Variants in DNA2 observed in about 807,000 individuals in gnomAD.
DNA2 encodes DNA replication helicase/nuclease 2.
Under a neutral mutation model 119.1 loss-of-function variants are expected in DNA2, and 101 were observed. That is an observed-to-expected ratio of 0.85 (90% CI 0.72 to 1.00). DNA2 has a LOEUF of 1.00. DNA2 is among the 50% of genes least tolerant of loss of function. The probability of loss-of-function intolerance (pLI) is 0.00; values close to 1 mark genes in which losing one functional copy is unlikely to be tolerated. For synonymous variants in DNA2, 366 were observed against 424.4 expected, an observed-to-expected ratio of 0.86 and a Z score of 1.69; for missense variants, 1,121 against 1,255.5, an observed-to-expected ratio of 0.89 and a Z score of 1.62.
intron 5 of DNA2, among the ~76,000 whole-genome samples, chr10:68,452,930 TCGC>T: frequency 6.7e-6 from 1 of 149,382 alleles, no homozygotes. Flanking sequence ...AGATGGAATC[TCGC>T]TCTGTCGCAG....
rs1383702144 is a variant in DNA2 at position 68,422,794 on chromosome 10, G to C, written c.2305C>G (p.Gln769Glu). 2.5e-6 allele frequency: 4 copies of C among 1,611,272 alleles called. No homozygotes were observed. The African/African-American group carries it at 5.4e-5, about 22-fold the overall frequency. ...AAAAGGGGGCCCAGACAAATTGGTT[G>C]GCTAATTTGAGAGGCTTCATCCACA... Reference protein sequence around the residue: ...CIVDEASQISQPICLGPLFFS... With the variant: ...CIVDEASQISEPICLGPLFFS... The change falls in exon 15 of 21, where the codon CAA (glutamine) becomes GAA (glutamate). Residue 769 changes from glutamine (Q) to glutamate (E), a missense_variant. By Grantham distance (29) the Gln-to-Glu change is conservative. Transcript: ENST00000358410.
chr10:68,458,107 A>C (rs972416264), intron 5 of DNA2, among the ~76,000 whole-genome samples: 1 of 151,880 alleles, frequency 6.6e-6, no homozygotes, highest in African/African-American at 2.4e-5. Flanking sequence ...CAGGAGGTGG[A>C]GGTTGCAGTG....
At position 68,435,467 on chromosome 10, in the gene DNA2, A is replaced by G. The variant is rs1459850447; in HGVS notation, c.1646+1544T>C. On this transcript the variant is annotated intron_variant, in intron 10 of 20. Coordinates refer to ENST00000358410, the MANE Select transcript of DNA2 (RefSeq NM_001080449.3). ...AGAATATACATACACATATATATAT[A>G]TATTTTTAGACAGAGTCTCACTCTT... Among the ~76,000 whole-genome samples, 6 of 151,654 alleles carry G rather than the reference A, an allele frequency of 4.0e-5. No individual in the cohort carries two copies. In the Admixed American group the frequency reaches 4.0e-4, roughly 10 times the overall value.
At chr10:68,439,031 CAAAA>C (rs35393675) in intron 9 of DNA2, among the ~76,000 whole-genome samples, 2 of 80,600 alleles carry the variant, frequency 2.5e-5, no homozygotes, top group East Asian at 3.4e-4. Context: ...AGAATCTGTC[CAAAA>C]AAAAAAAAAA....
Position 68,419,816 on chromosome 10 carries a change from G to C in DNA2, c.2774C>G (p.Ser925Cys). Residue 925 changes from serine (S) to cysteine (C), a missense_variant, in exon 18 of 21, where the codon TCC becomes TGC. By Grantham distance (112) the Ser-to-Cys change is moderately radical (BLOSUM62 -1). Coordinates refer to ENST00000358410, the MANE Select transcript of DNA2 (RefSeq NM_001080449.3). The part of the protein sequence containing the change: ...TEAKLIVFLT[S>C]IFVKAGCSPS... ...ATTCTAAATTACCTTAACAAAAATG[G>C]AGGTTAGGAAAACTATGAGTTTGGC... 6.2e-7 allele frequency: 1 copy of C among 1,613,046 alleles called. No homozygotes were observed. The highest frequency in any genetic ancestry group is 8.5e-7 in the Non-Finnish European group (1 of 1,179,264).
chr10:68,427,650 A>AACACACACACACACACACACACACAC lies in DNA2; in HGVS notation c.2208+2760_2208+2785dup, dbSNP rs151180015. On this transcript the variant is annotated intron_variant, in intron 14 of 20. Transcript: ENST00000358410. ...GGCAACAGAGCAAGACCTTGTCTCA[A>AACACACACACACACACACACACACAC]ACACACACACACACACACACACACA... Among the ~76,000 whole-genome samples, 20 of 140,242 alleles carry AACACACACACACACACACACACACAC rather than the reference A, an allele frequency of 1.4e-4. 1 individual carries two copies. The highest frequency in any genetic ancestry group is 1.1e-3 in the East Asian group (5 of 4,546). 92.0% of individuals were successfully genotyped at this position (140,242 alleles called of 152,430 possible).
chr10:68,435,099 C>T (rs185586980), intron 10 of DNA2, among the ~76,000 whole-genome samples: 51 of 152,094 alleles, frequency 3.4e-4, no homozygotes, highest in African/African-American at 1.2e-3. Context: ...ACTCAGGCTA[C>T]ATGCAGTGCA....
intron 4 of DNA2, among the ~76,000 whole-genome samples, chr10:68,463,963 C>T (rs759491927): frequency 6.6e-6 from 1 of 152,140 alleles, no homozygotes; most frequent in Non-Finnish European, 1.5e-5. Context: ...ATAGCAACCA[C>T]AGGTTGAAAG....
intron 14 of DNA2, among the ~76,000 whole-genome samples, chr10:68,425,678 G>A (rs2051731081): frequency 6.6e-6 from 1 of 151,960 alleles, no homozygotes; most frequent in Non-Finnish European, 1.5e-5. Flanking sequence ...TAGGATTACA[G>A]GCGTGAGACA....
chr10:68,431,214 AAAAAAAAAGAAAAAG>A (rs1317710489), intron 13 of DNA2, among the ~76,000 whole-genome samples: 1 of 149,064 alleles, frequency 6.7e-6, no homozygotes, highest in Non-Finnish European at 1.5e-5. Flanking sequence ...CCATCTCAAA[AAAAAAAAAGAAAAAG>A]AAAAGAAAAA....
At chr10:68,425,180 C>T (rs1272713822) in intron 14 of DNA2, among the ~76,000 whole-genome samples, 3 of 149,870 alleles carry the variant, frequency 2.0e-5, no homozygotes, top group African/African-American at 7.4e-5. Flanking sequence ...CTGCAACCTC[C>T]GCCTCCCAGG....
intron 17 of DNA2, 115 bp downstream of exon 17, chr10:68,422,109 AG>A (rs2051673204): frequency 1.4e-5 from 11 of 812,450 alleles, no homozygotes; most frequent in Admixed American, 3.1e-5. Context: ...CACCACGCCC[AG>A]CCTAGTTTTG....
intron 17 of DNA2, among the ~76,000 whole-genome samples, chr10:68,421,156 C>T (rs975690073): frequency 1.4e-5 from 2 of 146,198 alleles, no homozygotes; most frequent in African/African-American, 5.3e-5. Flanking sequence ...AGGCTGGTCT[C>T]GAACTCCTGA....
chr10:68,415,975 A>G (rs2051583937), intron 20 of DNA2, among the ~76,000 whole-genome samples: 2 of 152,162 alleles, frequency 1.3e-5, no homozygotes, highest in Admixed American at 1.3e-4. Flanking sequence ...AAAACGATTT[A>G]TCTTAAGGCC....
chr10:68,453,741 A>T (rs2052149215), intron 5 of DNA2, among the ~76,000 whole-genome samples: 1 of 152,236 alleles, frequency 6.6e-6, no homozygotes, highest in Admixed American at 6.5e-5. Context: ...ACAAGTGTGT[A>T]GCCTAGAGGC....
Position 68,450,045 on chromosome 10 carries a change from T to A in DNA2, c.922A>T (p.Ile308Phe). Residue 308 changes from isoleucine (I) to phenylalanine (F), a missense_variant, in exon 6 of 21, where the codon ATT (isoleucine) becomes TTT (phenylalanine). Ile to Phe is a conservative substitution (Grantham distance 21, BLOSUM62 0). Transcript: ENST00000358410. ...ELKTGKESNS[I>F]EHRSQVVLYT... The stretch of plus-strand genomic sequence containing the variant: ...ATTTATACCTGACTACGGTGTTCAA[T>A]AGAATTTGATTCTTTGCCAGTTTTA... 6.3e-7 allele frequency: 1 copy of A among 1,589,372 alleles called. No homozygotes were observed. Among genetic ancestry groups the A allele is most frequent in the Non-Finnish European group, 8.6e-7 (1 of 1,165,388 alleles).
chr10:68,414,248 C>A lies in DNA2; in HGVS notation c.*791G>T, dbSNP rs1024680885. 2.0e-5 allele frequency: 3 copies of A among 151,398 alleles called. No homozygotes were observed. The highest frequency in any genetic ancestry group is 4.4e-5 in the Non-Finnish European group (3 of 67,916). 9.4% of individuals were successfully genotyped at this position (151,398 alleles called of 1,614,324 possible). A position where few individuals can be genotyped will look rare whatever the true frequency, so the allele number is the denominator to read the frequency against. ...AGAATCTTTTAACCTTTGTTAAAAT[C>A]TGTTACTTTTTATATATATAATATA... On this transcript the variant is annotated 3_prime_UTR_variant, in exon 21 of 21. Transcript: ENST00000358410.
In DNA2 at chr10:68,427,904, A is replaced by G. The variant is rs1227602077; in HGVS notation, c.2208+2532T>C. Reference sequence around the variant, plus strand: ...AAAAATTAGCCAGGCGTGGTGGCGCATGCCTGTAATCCTAGCTACTCAGGA... The same window carrying G: ...AAAAATTAGCCAGGCGTGGTGGCGCGTGCCTGTAATCCTAGCTACTCAGGA... On this transcript the variant is annotated intron_variant, in intron 14 of 20. Transcript: ENST00000358410. Among the ~76,000 whole-genome samples, 10 of 150,010 alleles carry G rather than the reference A, an allele frequency of 6.7e-5. No homozygotes were observed. The East Asian group carries it at 2.0e-3, about 30-fold the overall frequency.
chr10:68,423,919 G>A (rs1011759223), intron 14 of DNA2, among the ~76,000 whole-genome samples: 2 of 152,208 alleles, frequency 1.3e-5, no homozygotes, highest in Non-Finnish European at 2.9e-5. Context: ...GAGGAAGCCA[G>A]CTAAAACAGA....
Sources: allele counts gnomAD v4.1 joint callset (sites outside exome capture counted in the v4.1 genomes callset), GRCh38; gene constraint gnomAD v4.1.1; transcripts MANE v1.5; gene names NCBI Gene and HGNC (gene_info 2026-07-23, HGNC 2026-07-21).